BARX2: variants seen among roughly 807,000 people sequenced by gnomAD.
The protein encoded by BARX2 is homeobox protein BarH-like 2.
Under a neutral mutation model 25.5 loss-of-function variants are expected in BARX2, and 11 were observed. The observed-to-expected ratio is 0.43, with a 90% CI of 0.27 to 0.71. BARX2 has a LOEUF of 0.71. Ranked by LOEUF, BARX2 falls within the 30% of genes least tolerant of loss-of-function variation. The pLI is 0.19. For synonymous variants in BARX2, 137 were observed against 149.5 expected, an observed-to-expected ratio of 0.92 and a Z score of 0.61; for missense variants, 360 against 359.9, an observed-to-expected ratio of 1.00 and a Z score of 0.00.
At chr11:129,411,897 T>A (rs752720311) in intron 1 of BARX2, among the ~76,000 whole-genome samples, 1 of 152,256 alleles carries the variant, frequency 6.6e-6, no homozygotes, top group Non-Finnish European at 1.5e-5. Context: ...ATAGGACTCC[T>A]GTCCTTTCGA....
intron 1 of BARX2, among the ~76,000 whole-genome samples, chr11:129,407,965 GC>G (rs1158451271): frequency 7.1e-6 from 1 of 141,746 alleles, no homozygotes; most frequent in African/African-American, 2.7e-5. Context: ...ACTTTGGGAG[GC>G]CAAGGCGGGC....
At chr11:129,443,005 G>A in intron 3 of BARX2, 86 bp downstream of exon 3, 1 of 1,229,464 alleles carries the variant, frequency 8.1e-7, no homozygotes, top group Non-Finnish European at 1.2e-6. Flanking sequence ...CGGACCATTT[G>A]GCAGTTTGGG....
chr11:129,424,016 A>C (rs1388240388), intron 1 of BARX2, among the ~76,000 whole-genome samples: 1 of 151,994 alleles, frequency 6.6e-6, no homozygotes, highest in African/African-American at 2.4e-5. Context: ...TGCCTGGCTA[A>C]TGTTTGTATT....
chr11:129,451,486 A>ATTTTT lies in BARX2; in HGVS notation c.*84_*85insTTTTT. The ATTTTT allele has an allele frequency of 3.4e-6, 5 of 1,490,890 alleles. No individual in the cohort carries two copies. Among genetic ancestry groups the ATTTTT allele is most frequent in the East Asian group, 2.3e-5 (1 of 43,408 alleles). 92.4% of individuals were successfully genotyped at this position (1,490,890 alleles called of 1,614,324 possible). ...GGAGAGTAGGGAGAGAAAACCTTCC[A>ATTTTT]GCAGCCCAGTAAACTGCGGGCGAAG... On this transcript the variant is annotated 3_prime_UTR_variant, in exon 4 of 4. Coordinates refer to ENST00000281437, the MANE Select transcript of BARX2 (RefSeq NM_003658.5).
intron 1 of BARX2, among the ~76,000 whole-genome samples, chr11:129,421,435 T>C (rs1216884754): frequency 6.6e-6 from 1 of 152,228 alleles, no homozygotes; most frequent in East Asian, 1.9e-4. Flanking sequence ...TCCTTCAAAG[T>C]TGGAATCCTT....
chr11:129,396,404 T>G (rs1861722040), intron 1 of BARX2, among the ~76,000 whole-genome samples: 1 of 152,056 alleles, frequency 6.6e-6, no homozygotes, highest in African/African-American at 2.4e-5. Flanking sequence ...TTTTTTTTTT[T>G]TGTCTAAGTA....
At chr11:129,422,904 T>C (rs984551897) in intron 1 of BARX2, among the ~76,000 whole-genome samples, 1 of 151,818 alleles carries the variant, frequency 6.6e-6, no homozygotes, top group Non-Finnish European at 1.5e-5. Context: ...GGTTTCACCA[T>C]GTTGGCCAGG....
At position 129,439,885 on chromosome 11, in the gene BARX2, T is replaced by G. The variant is rs186310410; in HGVS notation, c.488+2834T>G. ...GGCTTCAGCGTGCATGACTAACATATTAGGCTGATTTTTCAGAAGTCAGAG... is the reference window on the plus strand; with the variant it reads ...GGCTTCAGCGTGCATGACTAACATAGTAGGCTGATTTTTCAGAAGTCAGAG... On this transcript the variant is annotated intron_variant, in intron 2 of 3. Transcript: ENST00000281437. Among the ~76,000 whole-genome samples the G allele has an allele frequency of 6.6e-4, 101 of 151,984 alleles. No individual in the cohort carries two copies. In the East Asian group the frequency reaches 0.015, roughly 23 times the overall value.
chr11:129,411,622 A>G (rs1861888184), intron 1 of BARX2, among the ~76,000 whole-genome samples: 1 of 152,230 alleles, frequency 6.6e-6, no homozygotes, highest in Non-Finnish European at 1.5e-5. Context: ...AGAAGCACTG[A>G]GAGACTTCAT....
At chr11:129,414,374 A>G (rs1011776847) in intron 1 of BARX2, among the ~76,000 whole-genome samples, 3 of 152,186 alleles carry the variant, frequency 2.0e-5, no homozygotes, top group Non-Finnish European at 2.9e-5. Context: ...CTACCGAGAT[A>G]AAGGATTTAC....
intron 1 of BARX2, among the ~76,000 whole-genome samples, chr11:129,418,150 T>C (rs1861964590): frequency 6.6e-6 from 1 of 152,190 alleles, no homozygotes; most frequent in Non-Finnish European, 1.5e-5. Flanking sequence ...AGGAAGTAAA[T>C]TGACTAATCA....
intron 1 of BARX2, among the ~76,000 whole-genome samples, chr11:129,408,669 C>A (rs1276988354): frequency 1.3e-5 from 2 of 152,204 alleles, no homozygotes; most frequent in African/African-American, 2.4e-5. Flanking sequence ...TCTTTGGAGA[C>A]TATCTCGGCC....
At chr11:129,416,797 G>C (rs998191171) in intron 1 of BARX2, among the ~76,000 whole-genome samples, 10 of 151,650 alleles carry the variant, frequency 6.6e-5, no homozygotes, top group Non-Finnish European at 1.5e-4. Flanking sequence ...ATTTTGGCCT[G>C]GTGTAATTCG....
At chr11:129,415,311 G>T (rs145174061) in intron 1 of BARX2, among the ~76,000 whole-genome samples, 1 of 152,270 alleles carries the variant, frequency 6.6e-6, no homozygotes, top group African/African-American at 2.4e-5. Flanking sequence ...GGTCAGCCTG[G>T]CCAGTTCTCC....
At chr11:129,409,711 C>G (rs1861867629) in intron 1 of BARX2, among the ~76,000 whole-genome samples, 1 of 152,160 alleles carries the variant, frequency 6.6e-6, no homozygotes, top group Admixed American at 6.5e-5. Context: ...CCCCTCTTTG[C>G]AAACTTTTAG....
intron 1 of BARX2, among the ~76,000 whole-genome samples, chr11:129,435,614 A>T (rs1246264169): frequency 6.6e-6 from 1 of 152,178 alleles, no homozygotes; most frequent in Non-Finnish European, 1.5e-5. Flanking sequence ...CATTTTCATC[A>T]GATATCAAAT....
intron 2 of BARX2, chr11:129,437,397 T>C: frequency 1.0e-6 from 1 of 991,548 alleles, no homozygotes; most frequent in Non-Finnish European, 1.2e-6. Context: ...ACTCTTAGGA[T>C]TGGAGGCAGC....
chr11:129,377,228 A>G (rs886882914), intron 1 of BARX2, among the ~76,000 whole-genome samples: 2 of 152,222 alleles, frequency 1.3e-5, no homozygotes, highest in Non-Finnish European at 2.9e-5. Context: ...TACACTTAAA[A>G]TGAAAAAATG....
At chr11:129,414,032 C>G (rs1861917332) in intron 1 of BARX2, among the ~76,000 whole-genome samples, 1 of 150,842 alleles carries the variant, frequency 6.6e-6, no homozygotes, top group Admixed American at 6.6e-5. Context: ...CGCCACTGCA[C>G]TCCAGCCTGG....
Sources: gnomAD v4.1 joint callset for allele counts (sites outside exome capture counted in the v4.1 genomes callset) on GRCh38, gnomAD v4.1.1 for gene constraint, MANE v1.5 for transcripts, NCBI Gene and HGNC (gene_info 2026-07-23, HGNC 2026-07-21) for gene names.